NLRP2: variants seen among roughly 807,000 people sequenced by gnomAD.
NLRP2 encodes the protein NACHT, LRR and PYD domains-containing protein 2.
In NLRP2, 107 loss-of-function variants were observed where a neutral mutation model predicts 97.2. The ratio of observed to expected loss-of-function variants is 1.10; its 90% confidence interval spans 0.94 to 1.29. The LOEUF (loss-of-function observed/expected upper bound fraction) is 1.29, where lower values mean the gene tolerates loss of function less well. Among genes scored for constraint, NLRP2 ranks in the 50% most tolerant of loss-of-function variants. The pLI is 0.00. For missense variants in NLRP2, 1,495 were observed against 1,330.3 expected, an observed-to-expected ratio of 1.12 and a Z score of -1.93; for synonymous variants, 663 against 551.5, an observed-to-expected ratio of 1.20 and a Z score of -2.83.
chr19:54,994,475 C>T (rs183657344), intron 11 of NLRP2, 36 bp downstream of exon 11: 9 of 1,603,216 alleles, frequency 5.6e-6, no homozygotes, highest in Non-Finnish European at 7.7e-6. Context: ...CCTATACTTA[C>T]ACCTTACTGA....
Position 54,982,868 on chromosome 19 carries a change from C to T in NLRP2, c.1170C>T (p.Ala390=). The T allele has an allele frequency of 1.2e-6, 2 of 1,613,106 alleles. No homozygotes were observed. Among genetic ancestry groups the T allele is most frequent in the South Asian group, 1.1e-5 (1 of 91,038 alleles). Residue 390 remains alanine (A), a synonymous_variant, in exon 6 of 13, where the codon GCC becomes GCT. Transcript: ENST00000448584. ...RAFELMRSNA[A]LFQLGSAPAV... The stretch of plus-strand genomic sequence containing the variant: ...TTGAGCTAATGAGGAGCAACGCGGC[C>T]CTGTTCCAGCTGGGCTCGGCCCCCG...
Position 54,990,181 on chromosome 19 carries a change from G to T in NLRP2, c.2526G>T (p.Leu842=), listed in dbSNP as rs1179099229. The T allele has an allele frequency of 6.2e-7, 1 of 1,614,124 alleles. No homozygotes were observed. The highest frequency in any genetic ancestry group is 2.2e-5 in the East Asian group (1 of 44,872). ...CTTTGAGACACCCCAAGTGCTTTCT[G>T]CAGAGGTTGTCGTAAGTCTCTCCTC... The part of the protein sequence containing the change: ...YTTLRHPKCF[L]QRLSLENCHL... Residue 842 remains leucine, a synonymous_variant, in exon 9 of 13, where the codon CTG becomes CTT. Coordinates refer to ENST00000448584, the MANE Select transcript of NLRP2 (RefSeq NM_017852.5).
At chr19:54,967,413 C>T (rs924793725) in intron 1 of NLRP2, among the ~76,000 whole-genome samples, 4 of 147,236 alleles carry the variant, frequency 2.7e-5, no homozygotes, top group Non-Finnish European at 6.0e-5. Flanking sequence ...ACCCGGGAAG[C>T]GGAGGTTGCG....
At chr19:54,973,664 A>G (rs1034541470) in intron 2 of NLRP2, among the ~76,000 whole-genome samples, 1 of 152,064 alleles carries the variant, frequency 6.6e-6, no homozygotes, top group African/African-American at 2.4e-5. Context: ...GTGAGCAACC[A>G]TGCCCGGCCA....
Position 54,990,523 on chromosome 19 carries a change from A to G in NLRP2, c.2559A>G (p.Thr853=), listed in dbSNP as rs771501372. Residue 853 remains threonine, a synonymous_variant, in exon 10 of 13, where the codon ACA becomes ACG. Transcript: ENST00000448584. ...GTAGGTTGGAAAACTGTCACCTTAC[A>G]GAAGCCAATTGCAAGGACCTTGCTG... is the stretch of plus-strand genomic sequence containing the variant. The part of the protein sequence containing the change: ...QRLSLENCHL[T]EANCKDLAAV... The G allele has an allele frequency of 1.9e-6, 3 of 1,614,090 alleles. No individual in the cohort carries two copies. The highest frequency in any genetic ancestry group is 2.5e-6 in the Non-Finnish European group (3 of 1,180,044).
chr19:54,998,436 G>A (rs1034157809), intron 12 of NLRP2, among the ~76,000 whole-genome samples: 1 of 152,028 alleles, frequency 6.6e-6, no homozygotes, highest in East Asian at 1.9e-4. Flanking sequence ...TAATCTTTAT[G>A]TAGAAGAAAC....
chr19:54,971,592 AT>A (rs1201802032), intron 2 of NLRP2, among the ~76,000 whole-genome samples: 1 of 151,088 alleles, frequency 6.6e-6, no homozygotes, highest in Non-Finnish European at 1.5e-5. Context: ...GCATTTTTTC[AT>A]GTGTTTTTTG....
rs199568477 is a variant in NLRP2 at position 55,000,545 on chromosome 19, TG to T, written c.3051-212del. Among the ~76,000 whole-genome samples the T allele has an allele frequency of 8.4e-3, 1,261 of 149,912 alleles. 15 individuals carry two copies. Among genetic ancestry groups the T allele is most frequent in the African/African-American group, 0.03 (1,210 of 40,660 alleles). ...CACCCGCCTCAGCCTCCTAAAGTGC[TG>T]GGAATTACAGGCGTGAGCCATCACG... On this transcript the variant is annotated intron_variant, in intron 12 of 12. Coordinates refer to ENST00000448584, the MANE Select transcript of NLRP2 (RefSeq NM_017852.5).
chr19:54,996,717 T>C (rs1448802091), intron 11 of NLRP2, among the ~76,000 whole-genome samples: 2 of 150,246 alleles, frequency 1.3e-5, no homozygotes, highest in Non-Finnish European at 2.9e-5. Context: ...CACATGTATC[T>C]TCAGGGCCTC....
intron 8 of NLRP2, among the ~76,000 whole-genome samples, chr19:54,987,154 C>T (rs773304272): frequency 1.5e-3 from 221 of 149,390 alleles, no homozygotes; most frequent in Non-Finnish European, 2.5e-3. Flanking sequence ...CCCACCCCGC[C>T]GTCGGCCTCC....
At chr19:54,990,699 C>G (rs377757438) in intron 10 of NLRP2, 27 bp downstream of exon 10, 1 of 1,613,494 alleles carries the variant, frequency 6.2e-7, no homozygotes, top group Non-Finnish European at 8.5e-7. Flanking sequence ...TGCCTGTGTG[C>G]GTGGGTGTAT....
At chr19:54,997,157 G>A (rs940297183) in intron 11 of NLRP2, among the ~76,000 whole-genome samples, 160 bp from the exon 12 acceptor site, 2 of 152,100 alleles carry the variant, frequency 1.3e-5, no homozygotes, top group South Asian at 2.1e-4. Context: ...CATCCACCTC[G>A]GCCTCCCAAA....
At chr19:54,976,815 T>A in intron 3 of NLRP2, 1 of 344,492 alleles carries the variant, frequency 2.9e-6, no homozygotes, top group African/African-American at 2.8e-5. Flanking sequence ...TCTCTCTCTT[T>A]TTTTTTTTTT....
chr19:54,967,013 A>G (rs962244695), intron 1 of NLRP2, among the ~76,000 whole-genome samples: 1 of 151,456 alleles, frequency 6.6e-6, no homozygotes, highest in African/African-American at 2.4e-5. Flanking sequence ...GTTCTGGCTA[A>G]TAATATTATT....
intron 4 of NLRP2, among the ~76,000 whole-genome samples, chr19:54,978,903 A>T (rs181883093): frequency 6.6e-6 from 1 of 152,044 alleles, no homozygotes; most frequent in African/African-American, 2.4e-5. Context: ...TTGCTCAGAC[A>T]ACTTTAATAT....
chr19:54,984,846 AT>A (rs1221894781), intron 6 of NLRP2, among the ~76,000 whole-genome samples, 200 bp from the exon 7 acceptor site: 1 of 151,912 alleles, frequency 6.6e-6, no homozygotes, highest in Non-Finnish European at 1.5e-5. Flanking sequence ...CCTCTATTGG[AT>A]TTTTGTCTAA....
At chr19:54,968,419 G>A (rs2070617186) in intron 1 of NLRP2, among the ~76,000 whole-genome samples, 1 of 150,044 alleles carries the variant, frequency 6.7e-6, no homozygotes. Flanking sequence ...TAACTTCCCT[G>A]GCTCAGGTGA....
intron 11 of NLRP2, among the ~76,000 whole-genome samples, chr19:54,995,187 C>CTTTTTTTTTTTTTTTTT (rs34168825): frequency 3.4e-4 from 30 of 87,224 alleles, no homozygotes; most frequent in African/African-American, 1.3e-3. Flanking sequence ...GTGGGTGCCT[C>CTTTTTTTTTTTTTTTTT]TTTTTTTTTT....
intron 11 of NLRP2, among the ~76,000 whole-genome samples, chr19:54,996,902 C>T (rs1469976367): frequency 2.6e-5 from 4 of 151,972 alleles, no homozygotes; most frequent in East Asian, 1.9e-4. Context: ...GCCCTGAGGG[C>T]GGAGACGTTT....
Sources: gnomAD v4.1 joint callset for allele counts (sites outside exome capture counted in the v4.1 genomes callset) on GRCh38, gnomAD v4.1.1 for gene constraint, MANE v1.5 for transcripts, NCBI Gene and HGNC (gene_info 2026-07-23, HGNC 2026-07-21) for gene names.